The following LRP1B variants were observed in gnomAD, a reference collection of about 807,000 sequenced individuals.
The protein encoded by LRP1B is LDL receptor related protein 1B.
Under a neutral mutation model 556.6 loss-of-function variants are expected in LRP1B, and 217 were observed. The ratio of observed to expected loss-of-function variants is 0.39; its 90% confidence interval spans 0.35 to 0.44. The LOEUF (loss-of-function observed/expected upper bound fraction) is 0.44. Among genes scored for constraint, LRP1B ranks in the 20% least tolerant of loss-of-function variants. The pLI is 1.00. For missense variants in LRP1B, 5,053 were observed against 5,620.8 expected, an observed-to-expected ratio of 0.90 and a Z score of 3.23; for synonymous variants, 2,047 against 1,865.8, an observed-to-expected ratio of 1.10 and a Z score of -2.50.
intron 84 of LRP1B, among the ~76,000 whole-genome samples, chr2:140,278,124 G>T (rs969303580): frequency 1.3e-5 from 2 of 151,618 alleles, no homozygotes; most frequent in African/African-American, 4.8e-5. Context: ...CACAAAATAT[G>T]TATACTACAT....
At chr2:141,393,507 C>T (rs1287247689) in intron 3 of LRP1B, among the ~76,000 whole-genome samples, 3 of 152,126 alleles carry the variant, frequency 2.0e-5, no homozygotes, top group Admixed American at 2.0e-4. Context: ...ATAAAATAAA[C>T]ATGCATCTCT....
chr2:141,490,369 T>TTTGTGTGTGTGTGTGTG (rs557540972), intron 2 of LRP1B, among the ~76,000 whole-genome samples: 2 of 108,566 alleles, frequency 1.8e-5, no homozygotes, highest in East Asian at 4.5e-4. Context: ...TAAAATAGCC[T>TTTGTGTGTGTGTGTGTG]CGTGTGTGTG....
chr2:141,831,544 A>G (rs1697111190), intron 1 of LRP1B, among the ~76,000 whole-genome samples: 2 of 151,626 alleles, frequency 1.3e-5, no homozygotes, highest in Admixed American at 1.3e-4. Context: ...GGTAGGAACT[A>G]TGTCTTTTTC....
intron 1 of LRP1B, among the ~76,000 whole-genome samples, chr2:141,875,182 T>C (rs982463556): frequency 6.6e-6 from 1 of 151,644 alleles, no homozygotes; most frequent in African/African-American, 2.4e-5. Flanking sequence ...ATGACACATA[T>C]AATATATATA....
chr2:141,989,534 G>A (rs1702286221), intron 1 of LRP1B, among the ~76,000 whole-genome samples: 1 of 151,846 alleles, frequency 6.6e-6, no homozygotes, highest in African/African-American at 2.4e-5. Flanking sequence ...TCTTTGGTAT[G>A]GTTTGGCACT....
intron 37 of LRP1B, among the ~76,000 whole-genome samples, chr2:140,705,500 G>T: frequency 8.8e-6 from 1 of 114,080 alleles, no homozygotes; most frequent in Non-Finnish European, 1.6e-5. Context: ...CTCCAGCATG[G>T]GGAACAGAGT....
In LRP1B at chr2:140,870,518, T is replaced by C. The variant is rs559360917; in HGVS notation, c.4170-2255A>G. ...TGTTAGTAATCCTGTATGCCTTTTC[T>C]TCTGCTAATTTGCTGCCAGTTTATT... On this transcript the variant is annotated intron_variant, in intron 25 of 90. Transcript: ENST00000389484. Among the ~76,000 whole-genome samples, 135 of 152,274 alleles carry C rather than the reference T, an allele frequency of 8.9e-4. No homozygotes were observed. The Middle Eastern group carries it at 0.02, about 23-fold the overall frequency.
At chr2:141,642,954 G>C (rs747915616) in intron 2 of LRP1B, among the ~76,000 whole-genome samples, 12 of 152,022 alleles carry the variant, frequency 7.9e-5, no homozygotes, top group Non-Finnish European at 1.8e-4. Flanking sequence ...ATTAAAGGGT[G>C]GGTCGAGACC....
intron 3 of LRP1B, among the ~76,000 whole-genome samples, chr2:141,453,549 T>C (rs1379527297): frequency 6.6e-6 from 1 of 152,210 alleles, no homozygotes; most frequent in Non-Finnish European, 1.5e-5. Flanking sequence ...TGTCAGGTGT[T>C]ACATCTCATA....
intron 41 of LRP1B, among the ~76,000 whole-genome samples, chr2:140,699,647 G>A (rs1454297996): frequency 6.6e-6 from 1 of 151,232 alleles, no homozygotes; most frequent in Admixed American, 6.6e-5. Context: ...TTGAATGACA[G>A]GAAAAAGGTT....
At position 141,150,866 on chromosome 2, in the gene LRP1B, GGTTTGTGTGTGTGTGTGTGTGTGT is replaced by G. The variant is rs1294970063; in HGVS notation, c.1013+37531_1013+37554del. 9.3e-3 allele frequency among the ~76,000 whole-genome samples: 427 copies of G among 45,866 alleles called. 2 individuals carry two copies. The highest frequency in any genetic ancestry group is 0.022 in the Non-Finnish European group (310 of 13,972). 30.1% of individuals were successfully genotyped at this position (45,866 alleles called of 152,430 possible). ...CAGATGGCCTTCATATTGTCATGCT[GGTTTGTGTGTGTGTGTGTGTGTGT>G]GTGTGTGTGTGTGTGTGTGTGTGTT... On this transcript the variant is annotated intron_variant, in intron 7 of 90. Coordinates refer to ENST00000389484, the MANE Select transcript of LRP1B (RefSeq NM_018557.3).
intron 87 of LRP1B, among the ~76,000 whole-genome samples, chr2:140,245,572 A>G (rs1681116569): frequency 6.6e-6 from 1 of 151,418 alleles, no homozygotes; most frequent in South Asian, 2.1e-4. Flanking sequence ...CATGTTCTAC[A>G]GCTTGATAAC....
At chr2:141,114,160 G>A (rs76525519) in intron 7 of LRP1B, among the ~76,000 whole-genome samples, 2,454 of 152,364 alleles carry the variant, frequency 0.016, 36 homozygotes, top group Middle Eastern at 0.071. Flanking sequence ...GGGGCACACA[G>A]GCAGGCAGGT....
intron 7 of LRP1B, among the ~76,000 whole-genome samples, chr2:141,067,721 T>C (rs147668991): frequency 6.6e-6 from 1 of 152,166 alleles, no homozygotes; most frequent in Non-Finnish European, 1.5e-5. Flanking sequence ...AGAAGGAATA[T>C]GGGATTCAAG....
intron 1 of LRP1B, among the ~76,000 whole-genome samples, chr2:141,947,813 T>C: frequency 2.6e-5 from 1 of 38,204 alleles, no homozygotes; most frequent in East Asian, 5.1e-3. Flanking sequence ...TTTTTAAATA[T>C]CAGAAAAAAA....
At chr2:141,470,963 T>G (rs755885204) in intron 3 of LRP1B, among the ~76,000 whole-genome samples, 14 of 152,200 alleles carry the variant, frequency 9.2e-5, no homozygotes, top group Non-Finnish European at 1.9e-4. Flanking sequence ...TAAATGTTAT[T>G]TGAAAAGGAT....
At chr2:141,449,137 C>G (rs1470791531) in intron 3 of LRP1B, among the ~76,000 whole-genome samples, 1 of 152,168 alleles carries the variant, frequency 6.6e-6, no homozygotes, top group African/African-American at 2.4e-5. Flanking sequence ...TAGCATATTA[C>G]TTGGCAAGAT....
chr2:140,727,966 C>A (rs575251453), intron 35 of LRP1B, among the ~76,000 whole-genome samples: 4 of 152,098 alleles, frequency 2.6e-5, no homozygotes, highest in South Asian at 2.1e-4. Flanking sequence ...AGAATTCCAA[C>A]CTTGTAAGTA....
At chr2:140,398,612 CA>C (rs1269027087) in intron 66 of LRP1B, among the ~76,000 whole-genome samples, 2 of 152,092 alleles carry the variant, frequency 1.3e-5, no homozygotes, top group Non-Finnish European at 2.9e-5. Flanking sequence ...TTGTAGTCTC[CA>C]ACTCCTAGAC....
Sources: allele counts gnomAD v4.1 joint callset (sites outside exome capture counted in the v4.1 genomes callset), GRCh38; gene constraint gnomAD v4.1.1; transcripts MANE v1.5; gene names NCBI Gene and HGNC (gene_info 2026-07-23, HGNC 2026-07-21).